The following NBAS variants were observed in gnomAD, a reference collection of about 807,000 sequenced individuals.
The protein encoded by NBAS is NAG/BC035112 fusion.
Under a neutral mutation model 302.5 loss-of-function variants are expected in NBAS, and 219 were observed. The ratio of observed to expected loss-of-function variants is 0.72; its 90% CI spans 0.65 to 0.81. The LOEUF is 0.81. Ranked by LOEUF, NBAS falls within the 30% of genes least tolerant of loss-of-function variation. The probability of loss-of-function intolerance (pLI) is 0.00; values close to 1 mark genes in which losing one functional copy is unlikely to be tolerated. For synonymous variants in NBAS, 1,118 were observed against 1,021.6 expected, an observed-to-expected ratio of 1.09 and a Z score of -1.80; for missense variants, 2,932 against 2,841.6, an observed-to-expected ratio of 1.03 and a Z score of -0.72.
the NBAS span, among the ~76,000 whole-genome samples, chr2:14,893,953 G>T: frequency 6.6e-6 from 1 of 152,084 alleles, no homozygotes; most frequent in Non-Finnish European, 1.5e-5. Flanking sequence ...CTATTCTGTT[G>T]AACCATCTGA....
the NBAS span, among the ~76,000 whole-genome samples, chr2:14,846,192 AAT>A: frequency 6.6e-6 from 1 of 152,198 alleles, no homozygotes; most frequent in Non-Finnish European, 1.5e-5. Context: ...CTACAGCTTG[AAT>A]ATGTCTGCCA....
rs923498371 is a variant in NBAS, at chr2:15,290,511, G to A, written c.5027+2026C>T. 2.0e-5 allele frequency among the ~76,000 whole-genome samples: 3 copies of A among 152,134 alleles called. No homozygotes were observed. The East Asian group carries it at 5.8e-4, about 29-fold the overall frequency. ...AAATGTAACTGATGATATAAGGCAC[G>A]CCCTGCCTTATGAGTTTTTATTCTG... On this transcript the variant is annotated intron_variant, in intron 41 of 51. Transcript: ENST00000281513.
At chr2:15,357,269 A>G (rs1284942302) in intron 32 of NBAS, among the ~76,000 whole-genome samples, 1 of 152,220 alleles carries the variant, frequency 6.6e-6, no homozygotes, top group Non-Finnish European at 1.5e-5. Context: ...CTACAACTAG[A>G]GACTACCCAC....
chr2:15,493,672 GAA>G (rs1229519842), intron 11 of NBAS, among the ~76,000 whole-genome samples: 1 of 91,574 alleles, frequency 1.1e-5, no homozygotes, highest in Non-Finnish European at 2.4e-5. Context: ...GGCTCAAAAA[GAA>G]AAAAAAAAAA....
chr2:15,276,971 C>T lies in NBAS; in HGVS notation c.5269G>A (p.Glu1757Lys), dbSNP rs773927038. The T allele has an allele frequency of 8.7e-6, 14 of 1,613,842 alleles. No homozygotes were observed. In the Admixed American group the frequency reaches 1.0e-4, roughly 12 times the overall value. ...AGAGTGAAATAATACTGCAGCCTTT[C>T]GTGATCAAAGCCACCAATAGTAGGG... The part of the protein sequence containing the change: ...IYPTIGGFDH[E>K]RLQYYFTLLE... Residue 1757 changes from glutamate to lysine, a missense_variant, in exon 43 of 52, where the codon GAA becomes AAA. Glu to Lys is a moderately conservative substitution (Grantham distance 56, BLOSUM62 1). Coordinates refer to ENST00000281513, the MANE Select transcript of NBAS (RefSeq NM_015909.4).
chr2:15,316,296 A>G (rs968859164), intron 38 of NBAS, among the ~76,000 whole-genome samples: 2 of 152,230 alleles, frequency 1.3e-5, no homozygotes, highest in Non-Finnish European at 2.9e-5. Context: ...TGCAGCTCGC[A>G]GCGTGATCGA....
Position 15,468,419 on chromosome 2 carries a change from C to A in NBAS, c.1840G>T (p.Ala614Ser), listed in dbSNP as rs1214183555. The A allele has an allele frequency of 1.2e-6, 2 of 1,614,096 alleles. No homozygotes were observed. Among genetic ancestry groups the A allele is most frequent in the Admixed American group, 3.3e-5 (2 of 60,006 alleles). ...QYGLKGTDLEALLAIGKGADD... is the reference protein window; with the variant it reads ...QYGLKGTDLESLLAIGKGADD... Reference sequence around the variant, plus strand: ...GCTCCTTTCCCTATTGCTAAAAGAGCCTCCAGGTCTGTGCCTTTTAATCCA... The same window carrying A: ...GCTCCTTTCCCTATTGCTAAAAGAGACTCCAGGTCTGTGCCTTTTAATCCA... Residue 614 changes from alanine to serine, a missense_variant, in exon 17 of 52, where the codon GCT (alanine) becomes TCT (serine). Transcript: ENST00000281513.
intron 25 of NBAS, 112 bp from the exon 26 acceptor site, chr2:15,402,413 G>C: frequency 9.6e-7 from 1 of 1,043,766 alleles, no homozygotes; most frequent in South Asian, 1.4e-5. Context: ...ATCAACTATA[G>C]AAACAAGTCT....
At chr2:14,848,977 A>G in the NBAS span, among the ~76,000 whole-genome samples, 2 of 150,790 alleles carry the variant, frequency 1.3e-5, no homozygotes, top group Non-Finnish European at 2.9e-5. Context: ...AGATGGGGAA[A>G]AAACAGAACA....
the NBAS span, among the ~76,000 whole-genome samples, chr2:14,871,411 C>T: frequency 6.6e-6 from 1 of 151,808 alleles, no homozygotes; most frequent in Admixed American, 6.6e-5. Context: ...CCATTGCCAG[C>T]AAATCATACA....
intron 30 of NBAS, among the ~76,000 whole-genome samples, chr2:15,376,241 C>T (rs977063920): frequency 5.3e-5 from 8 of 152,056 alleles, no homozygotes; most frequent in Non-Finnish European, 1.2e-4. Context: ...TACATCCAGG[C>T]TCACAGGTCA....
the NBAS span, among the ~76,000 whole-genome samples, chr2:14,906,468 A>G: frequency 1.3e-5 from 2 of 152,210 alleles, no homozygotes; most frequent in African/African-American, 2.4e-5. Context: ...GAAGGCACGG[A>G]AAGGCTGCCT....
the NBAS span, among the ~76,000 whole-genome samples, chr2:15,024,089 G>C: frequency 6.6e-6 from 1 of 152,064 alleles, no homozygotes; most frequent in South Asian, 2.1e-4. Context: ...TAGTACCCAA[G>C]GGTTTTGTTT....
chr2:15,204,527 T>G (rs903409964), intron 48 of NBAS, among the ~76,000 whole-genome samples: 1 of 152,134 alleles, frequency 6.6e-6, no homozygotes, highest in Non-Finnish European at 1.5e-5. Context: ...AATAAAGAAT[T>G]ATAAATCATG....
chr2:15,189,002 G>T (rs963996749), intron 49 of NBAS, among the ~76,000 whole-genome samples: 1 of 152,146 alleles, frequency 6.6e-6, no homozygotes, highest in Admixed American at 6.5e-5. Context: ...AGTATGGAGA[G>T]ATGGACTCCA....
At chr2:14,940,710 C>T in the NBAS span, among the ~76,000 whole-genome samples, 1 of 152,198 alleles carries the variant, frequency 6.6e-6, no homozygotes, top group African/African-American at 2.4e-5. Context: ...CTTTTAGTCT[C>T]TTCCCTGAGA....
intron 32 of NBAS, among the ~76,000 whole-genome samples, chr2:15,364,907 C>G (rs1674123263): frequency 6.6e-6 from 1 of 152,050 alleles, no homozygotes; most frequent in Admixed American, 6.6e-5. Context: ...TTTAAGCCAC[C>G]AGGTTTTGGA....
At chr2:15,079,393 A>G in the NBAS span, among the ~76,000 whole-genome samples, 1 of 152,104 alleles carries the variant, frequency 6.6e-6, no homozygotes, top group Non-Finnish European at 1.5e-5. Context: ...AGAGATCATA[A>G]GTAAGAATGT....
At chr2:15,186,308 T>C (rs1665084580) in intron 50 of NBAS, among the ~76,000 whole-genome samples, 1 of 152,164 alleles carries the variant, frequency 6.6e-6, no homozygotes, top group Non-Finnish European at 1.5e-5. Context: ...GAAAGAATAT[T>C]GTGATTATGC....
Sources: gnomAD v4.1 joint callset for allele counts (sites outside exome capture counted in the v4.1 genomes callset) on GRCh38, gnomAD v4.1.1 for gene constraint, MANE v1.5 for transcripts, NCBI Gene and HGNC (gene_info 2026-07-23, HGNC 2026-07-21) for gene names.